The following RELN variants were observed in gnomAD, a reference collection of about 807,000 sequenced individuals.
The protein encoded by RELN is reelin.
A neutral mutation model predicts 427.6 loss-of-function variants in RELN; 108 were observed. The ratio of observed to expected loss-of-function variants is 0.25; its 90% confidence interval spans 0.22 to 0.30. The LOEUF (loss-of-function observed/expected upper bound fraction) is 0.30, where lower values mean the gene tolerates loss of function less well. RELN is among the 10% of genes least tolerant of loss of function. RELN has a pLI of 1.00. For synonymous variants in RELN, 1,524 were observed against 1,513.4 expected, an observed-to-expected ratio of 1.01 and a Z score of -0.16; for missense variants, 3,715 against 4,302.8, an observed-to-expected ratio of 0.86 and a Z score of 3.82.
In RELN at chr7:103,569,641, A is replaced by G. The variant is rs1370497598; in HGVS notation, c.4588+2543T>C. 1.3e-5 allele frequency among the ~76,000 whole-genome samples: 2 copies of G among 152,188 alleles called. No individual in the cohort carries two copies. Among genetic ancestry groups the G allele is most frequent in the East Asian group, 3.9e-4 (2 of 5,194 alleles). The stretch of plus-strand genomic sequence containing the variant: ...TCATTAGCTTTTTAAGGAGTGCCAC[A>G]TATACCTCAGGCAGTAACAAGGTCT... On this transcript the variant is annotated intron_variant, in intron 31 of 64. Transcript: ENST00000428762. This position sits in a 1 kb window ranked among gnomAD's most constrained non-coding sequence, Gnocchi z 4.0.
intron 3 of RELN, among the ~76,000 whole-genome samples, chr7:103,825,117 C>T (rs1793103772): frequency 6.6e-6 from 1 of 152,052 alleles, no homozygotes; most frequent in Non-Finnish European, 1.5e-5. Flanking sequence ...CATTAATGCT[C>T]ATTTTCATAT....
At chr7:103,757,917 A>G (rs1281037959) in intron 4 of RELN, among the ~76,000 whole-genome samples, 1 of 152,198 alleles carries the variant, frequency 6.6e-6, no homozygotes, top group Non-Finnish European at 1.5e-5. Flanking sequence ...TAACTTATGG[A>G]AAGATAAATG....
At chr7:103,726,932 C>T (rs1790226654) in intron 7 of RELN, among the ~76,000 whole-genome samples, 1 of 152,120 alleles carries the variant, frequency 6.6e-6, no homozygotes. Context: ...TTTTAATTTG[C>T]ATCCAATTAA....
intron 2 of RELN, among the ~76,000 whole-genome samples, chr7:103,912,479 C>T (rs1795391916): frequency 6.6e-6 from 1 of 152,088 alleles, no homozygotes; most frequent in Admixed American, 6.6e-5. Flanking sequence ...CCACTGTGCC[C>T]AGCCTTTTAA....
intron 8 of RELN, among the ~76,000 whole-genome samples, chr7:103,711,851 G>T (rs1308154909): frequency 6.6e-6 from 1 of 151,896 alleles, no homozygotes; most frequent in East Asian, 1.9e-4. Context: ...TAGAGACAGG[G>T]TTTCACCATG....
At chr7:103,544,220 CTTTTTTTTTTTTTTTTTTTTTTT>C in intron 42 of RELN, among the ~76,000 whole-genome samples, 1 of 71,198 alleles carries the variant, frequency 1.4e-5, no homozygotes. Flanking sequence ...GAAAGAAAAT[CTTTTTTTTTTTTTTTTTTTTTTT>C]TTTTTTTTTT....
intron 4 of RELN, among the ~76,000 whole-genome samples, chr7:103,766,861 C>G (rs562367032): frequency 2.6e-5 from 4 of 152,328 alleles, no homozygotes; most frequent in Admixed American, 1.3e-4. Flanking sequence ...GTAAGCCTGA[C>G]CTCTTTCCTC....
chr7:103,831,636 G>C (rs571876313), intron 3 of RELN, among the ~76,000 whole-genome samples: 1 of 152,172 alleles, frequency 6.6e-6, no homozygotes, highest in Admixed American at 6.6e-5. Flanking sequence ...AGCATTCCAG[G>C]CCAAGGAAAA....
At position 103,620,364 on chromosome 7, in the gene RELN, A is replaced by G. The variant is rs1832189046; in HGVS notation, c.2703-8561T>C. ...GTGAGAATGGACTAACACAACTTCA[A>G]TTCATCTCCGATCTCAGGCTATCCA... On this transcript the variant is annotated intron_variant, in intron 20 of 64. Coordinates refer to ENST00000428762, the MANE Select transcript of RELN (RefSeq NM_005045.4). The surrounding 1 kb of genome is among the most constrained non-coding windows in gnomAD (Gnocchi z 4.1). Among the ~76,000 whole-genome samples the G allele has an allele frequency of 6.6e-6, 1 of 151,884 alleles. No homozygotes were observed. Among genetic ancestry groups the G allele is most frequent in the Non-Finnish European group, 1.5e-5 (1 of 67,974 alleles).
chr7:103,917,660 T>G (rs968259435), intron 1 of RELN, among the ~76,000 whole-genome samples: 1 of 151,826 alleles, frequency 6.6e-6, no homozygotes, highest in Non-Finnish European at 1.5e-5. Context: ...ATTTCAAAGA[T>G]GAGTTCCCTG....
chr7:103,630,182 G>GA lies in RELN; in HGVS notation c.2466-7dup, dbSNP rs571882672. 65,413 of 1,051,372 alleles carry GA rather than the reference G, an allele frequency of 0.062. No individual in the cohort carries two copies. The highest frequency in any genetic ancestry group is 0.069 in the Non-Finnish European group (53,994 of 786,802). The allele number at this position is 1,051,372 out of a possible 1,614,324, so 65.1% of individuals were successfully genotyped here. On this transcript the variant is annotated splice_region_variant and splice_polypyrimidine_tract_variant and intron_variant, in intron 19 of 64. Coordinates refer to ENST00000428762, the MANE Select transcript of RELN (RefSeq NM_005045.4). The stretch of plus-strand genomic sequence containing the variant: ...GTAGTTCTACGGAGATTATTCTAGA[G>GA]AAAAAAAAAAAGTCAAAATTTAGAT...
rs375267373 is a variant in RELN at position 103,478,359 on chromosome 7, A to G, written c.10286+30T>C. ...GTCACTGATGAAACTATTAGTAAAC[A>G]GTTCCCCAGATTTAGTAAGGAGGAC... On this transcript the variant is annotated intron_variant, in intron 64 of 64. Transcript: ENST00000428762. 11 of 756,460 alleles carry G rather than the reference A, an allele frequency of 1.5e-5. No individual in the cohort carries two copies. The Middle Eastern group carries it at 6.8e-4, about 47-fold the overall frequency. The allele number at this position is 756,460 out of a possible 1,614,324, so 46.9% of individuals were successfully genotyped here. A position where few individuals can be genotyped will look rare whatever the true frequency, so the allele number is the denominator to read the frequency against.
chr7:103,976,164 G>A (rs1373049038), intron 1 of RELN, among the ~76,000 whole-genome samples: 1 of 152,190 alleles, frequency 6.6e-6, no homozygotes, highest in African/African-American at 2.4e-5. Flanking sequence ...GACAGACTGG[G>A]AGCAACCAGA....
intron 48 of RELN, among the ~76,000 whole-genome samples, chr7:103,521,062 C>T (rs1007962912): frequency 3.6e-4 from 53 of 146,556 alleles, no homozygotes; most frequent in Non-Finnish European, 2.5e-4. Context: ...CTGCAAGCTC[C>T]GCTTCCCGGG....
At position 103,986,396 on chromosome 7, in the gene RELN, CTATA is replaced by C. The variant is rs1440293898; in HGVS notation, c.226+2731_226+2734del. Among the ~76,000 whole-genome samples the C allele has an allele frequency of 2.6e-5, 4 of 152,064 alleles. No homozygotes were observed. In the East Asian group the frequency reaches 7.7e-4, roughly 29 times the overall value. Reference sequence around the variant, plus strand: ...CTCGAAAGCTCCAGATTTTTTAGTACTATATATTTTTTATTTTTGTTAAAGATAT... The same window carrying C: ...CTCGAAAGCTCCAGATTTTTTAGTACTATTTTTTATTTTTGTTAAAGATAT... On this transcript the variant is annotated intron_variant, in intron 1 of 64. Coordinates refer to ENST00000428762, the MANE Select transcript of RELN (RefSeq NM_005045.4).
chr7:103,534,266 A>T (rs977419661), intron 46 of RELN, among the ~76,000 whole-genome samples: 5 of 152,208 alleles, frequency 3.3e-5, no homozygotes, highest in Non-Finnish European at 5.9e-5. Flanking sequence ...TAATGCAGCA[A>T]CTGAAAACCA....
At chr7:103,895,612 AT>A (rs552396057) in intron 2 of RELN, among the ~76,000 whole-genome samples, 3 of 151,684 alleles carry the variant, frequency 2.0e-5, no homozygotes, top group East Asian at 3.9e-4. Context: ...AATGGTCCTG[AT>A]TTTTTTTTAA....
chr7:103,576,504 C>A (rs1831005857), intron 28 of RELN, among the ~76,000 whole-genome samples: 1 of 152,110 alleles, frequency 6.6e-6, no homozygotes, highest in Non-Finnish European at 1.5e-5. Context: ...ATAATAAAAT[C>A]CAGATAGATA....
intron 3 of RELN, among the ~76,000 whole-genome samples, chr7:103,781,764 A>G (rs548433873): frequency 4.6e-5 from 7 of 152,126 alleles, no homozygotes; most frequent in Non-Finnish European, 7.4e-5. Context: ...GTAACACACA[A>G]TATATTTTAA....
Sources: allele counts gnomAD v4.1 joint callset (sites outside exome capture counted in the v4.1 genomes callset), GRCh38; gene constraint gnomAD v4.1.1; non-coding constraint Gnocchi (gnomAD v3.1); transcripts MANE v1.5; gene names NCBI Gene and HGNC (gene_info 2026-07-23, HGNC 2026-07-21).